Variants in ZNF439 observed in about 807,000 individuals in gnomAD.
The protein encoded by ZNF439 is zinc finger protein 439.
In ZNF439, 40 loss-of-function variants were observed where a neutral mutation model predicts 47.3. The observed-to-expected ratio is 0.85, with a 90% CI of 0.66 to 1.10. The LOEUF is 1.10. Among genes scored for constraint, ZNF439 ranks in the 50% least tolerant of loss-of-function variants. The pLI, the probability that ZNF439 is intolerant of heterozygous loss-of-function variation, is 0.00. For missense variants in ZNF439, 556 were observed against 601.1 expected (o/e 0.93, Z 0.78); for synonymous variants, 171 against 198.8 (o/e 0.86, Z 1.18).
chr19:11,869,114 T>C lies in ZNF439; in HGVS notation c.*545T>C, dbSNP rs1976799430. On this transcript the variant is annotated 3_prime_UTR_variant, in exon 4 of 4. Transcript: ENST00000682736. ...CATTCAGCTTGCTTAATTGCTTTCA[T>C]AGACATGTAAAGACACACCAGAAGG... is the stretch of plus-strand genomic sequence containing the variant. The C allele has an allele frequency of 4.4e-6, 1 of 224,722 alleles. No individual in the cohort carries two copies. Among genetic ancestry groups the C allele is most frequent in the Admixed American group, 5.4e-5 (1 of 18,666 alleles). The allele number at this position is 224,722 out of a possible 1,614,324, so 13.9% of individuals were successfully genotyped here. A position where few individuals can be genotyped will look rare whatever the true frequency, so the allele number is the denominator to read the frequency against.
At chr19:11,866,789 G>T (rs559548499) in intron 3 of ZNF439, among the ~76,000 whole-genome samples, 192 bp downstream of exon 3, 1 of 152,308 alleles carries the variant, frequency 6.6e-6, no homozygotes, top group East Asian at 1.9e-4. Context: ...AGTCCTTTGA[G>T]ACATGGAGAT....
At chr19:11,849,043 G>A in intron 1 of ZNF439, 113 bp downstream of exon 1, 1 of 1,263,014 alleles carries the variant, frequency 7.9e-7, no homozygotes, top group Non-Finnish European at 1.0e-6. Flanking sequence ...TCCTAGAGCT[G>A]CTCGGCCCTC....
intron 1 of ZNF439, among the ~76,000 whole-genome samples, chr19:11,859,688 C>T (rs1284163057): frequency 3.3e-5 from 5 of 152,076 alleles, no homozygotes; most frequent in Admixed American, 6.6e-5. Context: ...ATAGGAAAAA[C>T]GCAAGGTCCT....
rs929670150 is a variant in ZNF439 at position 11,848,742 on chromosome 19, C to A, written c.-126C>A. 1 of 1,209,496 alleles carries A rather than the reference C, an allele frequency of 8.3e-7. No homozygotes were observed. Among genetic ancestry groups the A allele is most frequent in the South Asian group, 1.5e-5 (1 of 66,794 alleles). The allele number at this position is 1,209,496 out of a possible 1,614,324, so 74.9% of individuals were successfully genotyped here. ...GCCCTGCCCACTGTGCATCCAGGCA[C>A]GGAGGATGTTGCATTCCTGCCGTCA... On this transcript the variant is annotated 5_prime_UTR_variant, in exon 1 of 4. Transcript: ENST00000682736.
rs201064778 is a variant in ZNF439, at chr19:11,868,212, G to C, written c.1158G>C (p.Pro386=). The C allele has an allele frequency of 8.7e-6, 14 of 1,613,560 alleles. No homozygotes were observed. Among genetic ancestry groups the C allele is most frequent in the East Asian group, 2.2e-5 (1 of 44,804 alleles). The change falls in exon 4 of 4, where the codon CCG becomes CCC. Residue 386 remains proline (P), a synonymous_variant. Coordinates refer to ENST00000682736, the MANE Select transcript of ZNF439 (RefSeq NM_001348719.2). ...AAAAAACTCACAGTGGAGAGAAACCGTATAAATGCAAGCAATGTGGTAAAG... is the reference window on the plus strand; with the variant it reads ...AAAAAACTCACAGTGGAGAGAAACCCTATAAATGCAAGCAATGTGGTAAAG... The part of the protein sequence containing the change: ...RHEKTHSGEK[P]YKCKQCGKAF...
At chr19:11,849,991 C>G (rs887030983) in intron 1 of ZNF439, 1 of 152,218 alleles carries the variant, frequency 6.6e-6, no homozygotes, top group Non-Finnish European at 1.5e-5. Context: ...TCCTGTCATA[C>G]AGAGGCACTC....
intron 1 of ZNF439, among the ~76,000 whole-genome samples, chr19:11,862,728 CATT>C (rs891448064): frequency 2.0e-5 from 3 of 151,902 alleles, no homozygotes; most frequent in African/African-American, 7.3e-5. Flanking sequence ...ACTGTTACCT[CATT>C]GTTGTTTTCT....
intron 1 of ZNF439, among the ~76,000 whole-genome samples, chr19:11,865,547 A>T (rs1976649922): frequency 6.6e-6 from 1 of 150,596 alleles, no homozygotes; most frequent in South Asian, 2.1e-4. Flanking sequence ...CAAAGATTAC[A>T]CTTTGGGAAC....
At chr19:11,853,316 C>T (rs184417557) in intron 1 of ZNF439, among the ~76,000 whole-genome samples, 5 of 152,128 alleles carry the variant, frequency 3.3e-5, no homozygotes, top group East Asian at 3.9e-4. Flanking sequence ...CAAAGGAGGA[C>T]GAATGCGGGA....
intron 2 of ZNF439, 27 bp downstream of exon 2, chr19:11,866,358 A>G (rs1370809585): frequency 6.2e-7 from 1 of 1,613,398 alleles, no homozygotes; most frequent in African/African-American, 1.3e-5. Flanking sequence ...TCCTTCCCTC[A>G]GTGCATTAGT....
At chr19:11,849,098 C>A (rs994511101) in intron 1 of ZNF439, 168 bp downstream of exon 1, 249 of 1,205,054 alleles carry the variant, frequency 2.1e-4, no homozygotes, top group Non-Finnish European at 2.5e-4. Flanking sequence ...AGCCGGGACT[C>A]CGGGCGTCCT....
chr19:11,867,909 T>A lies in ZNF439; in HGVS notation c.855T>A (p.His285Gln), dbSNP rs755604322. 1.2e-6 allele frequency: 2 copies of A among 1,613,838 alleles called. No individual in the cohort carries two copies. Residue 285 changes from histidine (H) to glutamine (Q), a missense_variant, in exon 4 of 4, where the codon CAT becomes CAA. Coordinates refer to ENST00000682736, the MANE Select transcript of ZNF439 (RefSeq NM_001348719.2). ...GTCAGGAATGTGGGAAAGCATTCCA[T>A]AGTCCCAGATCCTGTCACAGACATG... ...YECQECGKAF[H>Q]SPRSCHRHER...
chr19:11,856,536 C>T (rs1359083273), intron 1 of ZNF439: 2 of 152,220 alleles, frequency 1.3e-5, no homozygotes, highest in African/African-American at 4.8e-5. Flanking sequence ...TCTATAGTTA[C>T]ATGAACATAG....
chr19:11,852,085 C>T (rs1035681319), intron 1 of ZNF439, among the ~76,000 whole-genome samples: 1 of 152,016 alleles, frequency 6.6e-6, no homozygotes, highest in Non-Finnish European at 1.5e-5. Flanking sequence ...GCCATGAAGT[C>T]TTTGTGTGAG....
rs765594268 is a variant in ZNF439, at chr19:11,868,218, A to G, written c.1164A>G (p.Lys388=). 7.4e-6 allele frequency: 12 copies of G among 1,614,018 alleles called. No homozygotes were observed. In the African/African-American group the frequency reaches 1.5e-4, roughly 20 times the overall value. Residue 388 remains lysine (K), a synonymous_variant, in exon 4 of 4, where the codon AAA becomes AAG. Transcript: ENST00000682736. ...CTCACAGTGGAGAGAAACCGTATAA[A>G]TGCAAGCAATGTGGTAAAGCCTTCA... ...EKTHSGEKPY[K]CKQCGKAFTR...
At chr19:11,864,782 T>C (rs1228684433) in intron 1 of ZNF439, among the ~76,000 whole-genome samples, 3 of 152,020 alleles carry the variant, frequency 2.0e-5, no homozygotes, top group Non-Finnish European at 2.9e-5. Context: ...TGGGCCAAGA[T>C]ATTGTTTTCT....
rs1353758735 is a variant in ZNF439, at chr19:11,868,296, CTA to C, written c.1244_1245del (p.Tyr415Ter). ...AAAGGACTCACACTGGAGAGAAACC[CTA>C]TGAGTGTAAGCAATGTGGGAAAGCC... ...HERTHTGEKP[Y>X]ECKQCGKAFR... On this transcript the variant is annotated frameshift_variant, in exon 4 of 4. Transcript: ENST00000682736. LOFTEE classifies it high-confidence loss of function. The C allele has an allele frequency of 1.2e-6, 2 of 1,613,546 alleles. No individual in the cohort carries two copies. Among genetic ancestry groups the C allele is most frequent in the African/African-American group, 2.7e-5 (2 of 74,750 alleles).
chr19:11,868,984 A>C lies in ZNF439; in HGVS notation c.*415A>C. 3.3e-6 allele frequency: 1 copy of C among 302,534 alleles called. No individual in the cohort carries two copies. The highest frequency in any genetic ancestry group is 6.7e-6 in the Non-Finnish European group (1 of 149,274). 18.7% of individuals were successfully genotyped at this position (302,534 alleles called of 1,614,324 possible). ...AACACACACTGGAGAGAAACCTATG[A>C]ATGTAAGGAATGCAAACAAGCATTC... On this transcript the variant is annotated 3_prime_UTR_variant, in exon 4 of 4. Coordinates refer to ENST00000682736, the MANE Select transcript of ZNF439 (RefSeq NM_001348719.2).
chr19:11,866,162 G>C, intron 1 of ZNF439, 43 bp from the exon 2 acceptor site: 1 of 1,612,912 alleles, frequency 6.2e-7, no homozygotes. Context: ...CCCCAATGCT[G>C]TCACTCTCAC....
Sources: allele counts gnomAD v4.1 joint callset (sites outside exome capture counted in the v4.1 genomes callset), GRCh38; gene constraint gnomAD v4.1.1; transcripts MANE v1.5; gene names NCBI Gene and HGNC (gene_info 2026-07-23, HGNC 2026-07-21).